The following PUDP variants were observed in gnomAD, a reference collection of about 807,000 sequenced individuals.
PUDP encodes the protein pseudouridine-5'-phosphatase.
Under a neutral mutation model 9.4 loss-of-function variants are expected in PUDP, and 8 were observed. That is an observed-to-expected ratio of 0.85 (90% confidence interval 0.50 to 1.53). PUDP has a LOEUF of 1.53. Among genes scored for constraint, PUDP ranks in the 40% most tolerant of loss-of-function variants. The probability of loss-of-function intolerance (pLI) is 0.00; values close to 1 mark genes in which losing one functional copy is unlikely to be tolerated. For missense variants in PUDP, 188 were observed against 189.7 expected, an observed-to-expected ratio of 0.99 and a Z score of 0.05; for synonymous variants, 99 against 80.7, an observed-to-expected ratio of 1.23 and a Z score of -1.22.
At chrX:6,775,890 C>T (rs759047085) in intron 3 of PUDP, among the ~76,000 whole-genome samples, 1 of 111,525 alleles carries the variant, frequency 9.0e-6, no homozygotes, top group South Asian at 3.8e-4. Context: ...CTTTGAGCCT[C>T]CAGAACTGTG....
At chrX:6,969,346 C>G (rs1928836170) in intron 3 of PUDP, among the ~76,000 whole-genome samples, 1 of 112,160 alleles carries the variant, frequency 8.9e-6, no homozygotes, top group Non-Finnish European at 1.9e-5. Flanking sequence ...TCTTGGCTGC[C>G]ACACCAAGGC....
intron 3 of PUDP, among the ~76,000 whole-genome samples, chrX:6,835,866 C>A (rs1172236131): frequency 1.0e-5 from 1 of 96,845 alleles, no homozygotes; most frequent in Admixed American, 1.1e-4. Flanking sequence ...GTGTGCACTG[C>A]CACTGGCTTT....
At chrX:7,095,548 G>A (rs748047708) in intron 2 of PUDP, among the ~76,000 whole-genome samples, 1 of 111,908 alleles carries the variant, frequency 8.9e-6, no homozygotes, top group Admixed American at 9.4e-5. Flanking sequence ...CAACACCCTG[G>A]GTAGATCTAA....
At chrX:6,920,996 G>A (rs751187945) in intron 3 of PUDP, among the ~76,000 whole-genome samples, 1 of 110,812 alleles carries the variant, frequency 9.0e-6, no homozygotes, top group Non-Finnish European at 1.9e-5. Flanking sequence ...GGACCACTGG[G>A]CCTGAGAGTG....
chrX:6,933,068 T>C (rs765936297), intron 3 of PUDP, among the ~76,000 whole-genome samples: 55 of 110,541 alleles, frequency 5.0e-4, no homozygotes, highest in South Asian at 2.7e-3. Flanking sequence ...AAGACAGCAG[T>C]AACCTCTGCA....
intron 1 of PUDP, among the ~76,000 whole-genome samples, chrX:6,715,381 C>T (rs1325793602): frequency 9.0e-6 from 1 of 110,991 alleles, no homozygotes; most frequent in Non-Finnish European, 1.9e-5. Flanking sequence ...GATCTCACCC[C>T]CAAAATGGTG....
At chrX:6,800,008 T>G (rs954646891) in intron 3 of PUDP, among the ~76,000 whole-genome samples, 9 of 111,813 alleles carry the variant, frequency 8.0e-5, no homozygotes, top group African/African-American at 2.9e-4. Context: ...GCGAGTACTA[T>G]AACGGAAGAC....
intron 3 of PUDP, among the ~76,000 whole-genome samples, chrX:6,790,197 T>C (rs554922156): frequency 1.8e-5 from 2 of 111,419 alleles, no homozygotes; most frequent in East Asian, 5.7e-4. Context: ...GATAATGACA[T>C]ACAAACATAC....
intron 3 of PUDP, among the ~76,000 whole-genome samples, chrX:6,827,511 G>C (rs73190727): frequency 0.049 from 5,411 of 111,425 alleles, 150 homozygotes; most frequent in Non-Finnish European, 0.075. Context: ...CCTATAGAGA[G>C]GTTATTTCCT....
At chrX:6,888,418 G>C (rs954467190) in intron 3 of PUDP, among the ~76,000 whole-genome samples, 2 of 110,097 alleles carry the variant, frequency 1.8e-5, no homozygotes, top group Non-Finnish European at 3.8e-5. Flanking sequence ...AAGGTGGGTG[G>C]ATCACCTGAG....
chrX:7,097,571 C>T (rs887000641), intron 2 of PUDP, among the ~76,000 whole-genome samples: 37 of 111,798 alleles, frequency 3.3e-4, no homozygotes, highest in African/African-American at 8.8e-4. Flanking sequence ...TATCCTACCA[C>T]GGGTTTTCAC....
At chrX:6,751,016 C>T (rs765245197) in intron 3 of PUDP, among the ~76,000 whole-genome samples, 4 of 109,860 alleles carry the variant, frequency 3.6e-5, no homozygotes, top group African/African-American at 1.0e-4. Context: ...GTGGTGGGCG[C>T]CTGTAGTCCC....
At chrX:6,812,188 T>C (rs772776069) in intron 3 of PUDP, among the ~76,000 whole-genome samples, 1 of 111,937 alleles carries the variant, frequency 8.9e-6, no homozygotes, top group African/African-American at 3.2e-5. Context: ...GCACAGACAG[T>C]CTCTCATCCA....
At chrX:6,752,912 G>A (rs774484641) in intron 3 of PUDP, among the ~76,000 whole-genome samples, 1 of 111,759 alleles carries the variant, frequency 8.9e-6, no homozygotes, top group African/African-American at 3.2e-5. Flanking sequence ...ATATATATGT[G>A]TAATTAGTTA....
intron 3 of PUDP, among the ~76,000 whole-genome samples, chrX:6,936,797 C>A (rs1212590302): frequency 1.0e-5 from 1 of 96,239 alleles, no homozygotes; most frequent in East Asian, 3.4e-4. Context: ...TCTCAGGATA[C>A]AAAATCAATG....
chrX:6,829,246 G>A (rs942699873), intron 3 of PUDP, among the ~76,000 whole-genome samples: 15 of 111,117 alleles, frequency 1.3e-4, no homozygotes, highest in African/African-American at 4.3e-4. Context: ...ATATCAGGTT[G>A]AATGGATTAA....
At chrX:7,122,428 C>T (rs1307890105) in intron 1 of PUDP, among the ~76,000 whole-genome samples, 1 of 111,573 alleles carries the variant, frequency 9.0e-6, no homozygotes, top group African/African-American at 3.3e-5. Context: ...ATTGGCTCTC[C>T]CTTCCTGTGT....
At chrX:7,103,348 C>A (rs148137529) in intron 2 of PUDP, among the ~76,000 whole-genome samples, 4,021 of 112,244 alleles carry the variant, frequency 0.036, 145 homozygotes, top group African/African-American at 0.12. Context: ...GAAAACTGGA[C>A]ATCCACGTAC....
chrX:7,115,399 T>C (rs766775026), intron 1 of PUDP, among the ~76,000 whole-genome samples: 16 of 112,535 alleles, frequency 1.4e-4, no homozygotes, highest in Non-Finnish European at 2.2e-4. Context: ...TATATATATG[T>C]TCTAACATAA....
Sources: allele counts gnomAD v4.1 joint callset (sites outside exome capture counted in the v4.1 genomes callset), GRCh38; gene constraint gnomAD v4.1.1; transcripts MANE v1.5; gene names NCBI Gene and HGNC (gene_info 2026-07-23, HGNC 2026-07-21).